ZNF99: variants seen among roughly 807,000 people sequenced by gnomAD.
The protein encoded by ZNF99 is zinc finger protein 99.
ZNF99 carries 8 observed loss-of-function variants against 12.8 expected under a neutral mutation model. That is an observed-to-expected ratio of 0.62 (90% CI 0.37 to 1.13). ZNF99 has a LOEUF of 1.13. ZNF99 is among the 50% of genes most tolerant of loss of function. The pLI is 0.02. For missense variants in ZNF99, 1,007 were observed against 1,006.2 expected, an observed-to-expected ratio of 1.00 and a Z score of -0.01; for synonymous variants, 318 against 319.0, an observed-to-expected ratio of 1.00 and a Z score of 0.03.
At position 22,768,611 on chromosome 19, in the gene ZNF99, T is replaced by A. The variant is rs140991587; in HGVS notation, c.131-211A>T. ...CTGAATCAAATATTGGTGGTGGCAATGAGATTTCAAGGTGTGGCAACTACA... is the reference window on the plus strand; with the variant it reads ...CTGAATCAAATATTGGTGGTGGCAAAGAGATTTCAAGGTGTGGCAACTACA... On this transcript the variant is annotated intron_variant, in intron 2 of 3. Transcript: ENST00000596209. 7.5e-3 allele frequency among the ~76,000 whole-genome samples: 1,142 copies of A among 152,266 alleles called. 10 individuals are homozygous for A. The highest frequency in any genetic ancestry group is 0.026 in the African/African-American group (1,082 of 41,562).
chr19:22,753,713 G>T lies in ZNF99; in HGVS notation c.*3601C>A. The T allele has an allele frequency of 6.4e-6, 1 of 157,126 alleles. No homozygotes were observed. 9.7% of individuals were successfully genotyped at this position (157,126 alleles called of 1,614,324 possible). A position where few individuals can be genotyped will look rare whatever the true frequency, so the allele number is the denominator to read the frequency against. On this transcript the variant is annotated 3_prime_UTR_variant, in exon 4 of 4. Coordinates refer to ENST00000596209, the MANE Select transcript of ZNF99 (RefSeq NM_001080409.3). ...CACAGTAATTGCATTTTTAATATTT[G>T]TTTTAAGTATAAACTCTGTGATGTT... is the stretch of plus-strand genomic sequence containing the variant.
In ZNF99 at chr19:22,758,800, T is replaced by A. The variant is rs777861408; in HGVS notation, c.1109A>T (p.Lys370Ile). 1 of 1,603,888 alleles carries A rather than the reference T, an allele frequency of 6.2e-7. No individual in the cohort carries two copies. The highest frequency in any genetic ancestry group is 8.5e-7 in the Non-Finnish European group (1 of 1,173,556). ...AAAAGCTTTGCCGCATTCTTCATAT[T>A]TGTAGGGTTTCTCTTCAGTATGAAT... ...EIIHTEEKPY[K>I]YEECGKAFSN... Residue 370 changes from lysine (K) to isoleucine (I), a missense_variant, in exon 4 of 4, where the codon AAA (lysine) becomes ATA (isoleucine). Transcript: ENST00000596209.
Position 22,784,028 on chromosome 19 carries a change from C to T in ZNF99, c.-12G>A. The T allele has an allele frequency of 1.2e-6, 2 of 1,613,784 alleles. No individual in the cohort carries two copies. The highest frequency in any genetic ancestry group is 1.7e-6 in the Non-Finnish European group (2 of 1,179,948). On this transcript the variant is annotated 5_prime_UTR_variant, in exon 1 of 4. Coordinates refer to ENST00000596209, the MANE Select transcript of ZNF99 (RefSeq NM_001080409.3). ...GGCACTCTCACCATTTCTAAGCTTC[C>T]AGGGGGTCCTGGCGTCCTAGCTGTG...
At chr19:22,762,288 A>G (rs1201390205) in intron 3 of ZNF99, among the ~76,000 whole-genome samples, 2 of 152,202 alleles carry the variant, frequency 1.3e-5, no homozygotes, top group Non-Finnish European at 2.9e-5. Context: ...AACCTCAATA[A>G]GAAATGAAAT....
Position 22,755,797 on chromosome 19 carries a change from T to A in ZNF99, c.*1517A>T. ...TTCCTCACATTTGAAGGGTTTATCT[T>A]CAGTATGAATTATCTTACATTCAGT... On this transcript the variant is annotated 3_prime_UTR_variant, in exon 4 of 4. Coordinates refer to ENST00000596209, the MANE Select transcript of ZNF99 (RefSeq NM_001080409.3). 3 of 306,758 alleles carry A rather than the reference T, an allele frequency of 9.8e-6. No homozygotes were observed. The highest frequency in any genetic ancestry group is 2.0e-5 in the Non-Finnish European group (3 of 151,462). The allele number at this position is 306,758 out of a possible 1,614,324, so 19.0% of individuals were successfully genotyped here. A position where few individuals can be genotyped will look rare whatever the true frequency, so the allele number is the denominator to read the frequency against.
chr19:22,759,532 T>C lies in ZNF99; in HGVS notation c.377A>G (p.His126Arg), dbSNP rs1222119554. The change falls in exon 4 of 4, where the codon CAC becomes CGC. Residue 126 changes from histidine (H) to arginine (R), a missense_variant. By Grantham distance (29) the His-to-Arg change is conservative (BLOSUM62 0). Transcript: ENST00000596209. The part of the protein sequence containing the change: ...DCESVNEGKM[H>R]EEAYNKLNQC... ...GTTAAGTTTATTATAAGCTTCTTCG[T>C]GCATCTTACCCTCATTGACACTTTC... 1 of 1,611,374 alleles carries C rather than the reference T, an allele frequency of 6.2e-7. No individual in the cohort carries two copies. Among genetic ancestry groups the C allele is most frequent in the South Asian group, 1.1e-5 (1 of 90,054 alleles).
intron 1 of ZNF99, among the ~76,000 whole-genome samples, chr19:22,781,558 G>A (rs1397620275): frequency 2.0e-5 from 3 of 151,144 alleles, no homozygotes; most frequent in Non-Finnish European, 2.9e-5. Flanking sequence ...TGTTTTCCCC[G>A]CAATACCAGC....
chr19:22,778,594 A>C (rs1353688833), intron 1 of ZNF99, among the ~76,000 whole-genome samples: 12 of 152,210 alleles, frequency 7.9e-5, no homozygotes, highest in Admixed American at 7.9e-4. Flanking sequence ...CCTCAAATTC[A>C]ATAATTTTAT....
chr19:22,777,118 C>T (rs1227632874), intron 1 of ZNF99, among the ~76,000 whole-genome samples: 1 of 152,148 alleles, frequency 6.6e-6, no homozygotes, highest in Admixed American at 6.6e-5. Context: ...TGTCACTGTA[C>T]TCCAGCCTGG....
In ZNF99 at chr19:22,752,303, G is replaced by T. The variant is rs1463060771; in HGVS notation, c.*5011C>A. Reference sequence around the variant, plus strand: ...TCAAAGTGACTAAAAGTGTAGATTTGGATTGCTTGTAATTCAAGGAATAAA... The same window carrying T: ...TCAAAGTGACTAAAAGTGTAGATTTTGATTGCTTGTAATTCAAGGAATAAA... On this transcript the variant is annotated 3_prime_UTR_variant, in exon 4 of 4. Transcript: ENST00000596209. The T allele has an allele frequency of 6.6e-6, 1 of 150,826 alleles. No homozygotes were observed. Among genetic ancestry groups the T allele is most frequent in the Non-Finnish European group, 1.5e-5 (1 of 67,644 alleles). The allele number at this position is 150,826 out of a possible 1,614,324, so 9.3% of individuals were successfully genotyped here.
At position 22,756,923 on chromosome 19, in the gene ZNF99, C is replaced by G; in HGVS notation, c.*391G>C. On this transcript the variant is annotated 3_prime_UTR_variant, in exon 4 of 4. Coordinates refer to ENST00000596209, the MANE Select transcript of ZNF99 (RefSeq NM_001080409.3). ...CCTTATGTTCCATAAGTTTTGAGAC[C>G]ACTTAAAAGCTTTACCACATTCTTC... is the stretch of plus-strand genomic sequence containing the variant. 6.2e-7 allele frequency: 1 copy of G among 1,602,370 alleles called. No homozygotes were observed. The highest frequency in any genetic ancestry group is 8.5e-7 in the Non-Finnish European group (1 of 1,174,884).
At position 22,756,976 on chromosome 19, in the gene ZNF99, A is replaced by G; in HGVS notation, c.*338T>C. 6.2e-7 allele frequency: 1 copy of G among 1,612,178 alleles called. No individual in the cohort carries two copies. The highest frequency in any genetic ancestry group is 1.1e-5 in the South Asian group (1 of 91,012). ...ATTTGTATGGTTTCTCCCCAGTATGAATTATCTTATGTTTCCTAAGGGCTG... is the reference window on the plus strand; with the variant it reads ...ATTTGTATGGTTTCTCCCCAGTATGGATTATCTTATGTTTCCTAAGGGCTG... On this transcript the variant is annotated 3_prime_UTR_variant, in exon 4 of 4. Coordinates refer to ENST00000596209, the MANE Select transcript of ZNF99 (RefSeq NM_001080409.3).
chr19:22,767,364 C>T (rs558355781), intron 3 of ZNF99, among the ~76,000 whole-genome samples: 5 of 152,166 alleles, frequency 3.3e-5, no homozygotes, highest in East Asian at 1.9e-4. Context: ...ATGTTCTCTA[C>T]AAGAGACCAA....
rs1239029738 is a variant in ZNF99, at chr19:22,755,245, A to C, written c.*2069T>G. 3 of 271,918 alleles carry C rather than the reference A, an allele frequency of 1.1e-5. No individual in the cohort carries two copies. Among genetic ancestry groups the C allele is most frequent in the Admixed American group, 4.5e-5 (1 of 22,408 alleles). The allele number at this position is 271,918 out of a possible 1,614,324, so 16.8% of individuals were successfully genotyped here. ...AGTACGAATTTTCTTATGTCTAATA[A>C]AGTTTAACTGATTAAAAGCATTGCC... On this transcript the variant is annotated 3_prime_UTR_variant, in exon 4 of 4. Transcript: ENST00000596209.
At chr19:22,769,438 A>G in intron 1 of ZNF99, 114 bp from the exon 2 acceptor site, 3 of 1,183,166 alleles carry the variant, frequency 2.5e-6, no homozygotes, top group Non-Finnish European at 3.5e-6. Context: ...ACTTACAGGG[A>G]TGACTGAACG....
chr19:22,769,425 C>A, intron 1 of ZNF99, 101 bp from the exon 2 acceptor site: 1 of 1,331,448 alleles, frequency 7.5e-7, no homozygotes, highest in Non-Finnish European at 1.0e-6. Flanking sequence ...AGAACAGGTT[C>A]TAACTTACAG....
intron 1 of ZNF99, among the ~76,000 whole-genome samples, chr19:22,776,577 A>G (rs557886554): frequency 2.6e-5 from 4 of 151,426 alleles, no homozygotes; most frequent in African/African-American, 4.9e-5. Context: ...GTCAAAAAAT[A>G]ACAGATGCTG....
In ZNF99 at chr19:22,756,715, T is replaced by C. The variant is rs559779442; in HGVS notation, c.*599A>G. On this transcript the variant is annotated 3_prime_UTR_variant, in exon 4 of 4. Transcript: ENST00000596209. Reference sequence around the variant, plus strand: ...ACATTCTTCACATTTGTACGGTTTCTCCCCAGTATGAATTATCTTATGTTT... The same window carrying C: ...ACATTCTTCACATTTGTACGGTTTCCCCCCAGTATGAATTATCTTATGTTT... 2.0e-6 allele frequency: 3 copies of C among 1,478,204 alleles called. No individual in the cohort carries two copies. The highest frequency in any genetic ancestry group is 2.7e-6 in the Non-Finnish European group (3 of 1,103,052). 91.6% of individuals were successfully genotyped at this position (1,478,204 alleles called of 1,614,324 possible).
chr19:22,761,518 G>C (rs550417830), intron 3 of ZNF99, among the ~76,000 whole-genome samples: 28 of 152,228 alleles, frequency 1.8e-4, no homozygotes, highest in African/African-American at 4.3e-4. Context: ...TAATAAATGA[G>C]ATAGACACCA....
Sources: allele counts gnomAD v4.1 joint callset (sites outside exome capture counted in the v4.1 genomes callset), GRCh38; gene constraint gnomAD v4.1.1; transcripts MANE v1.5; gene names NCBI Gene and HGNC (gene_info 2026-07-23, HGNC 2026-07-21).